The following SEC11C variants were observed in gnomAD, a reference collection of about 807,000 sequenced individuals.
The protein encoded by SEC11C is signal peptidase complex catalytic subunit SEC11C.
Under a neutral mutation model 21.9 loss-of-function variants are expected in SEC11C, and 10 were observed. The ratio of observed to expected loss-of-function variants is 0.46; its 90% CI spans 0.28 to 0.77. The LOEUF (loss-of-function observed/expected upper bound fraction) is 0.77, where lower values mean the gene tolerates loss of function less well. SEC11C is among the 30% of genes least tolerant of loss of function. The pLI is 0.12. For synonymous variants in SEC11C, 83 were observed against 85.6 expected (o/e 0.97, Z 0.17); for missense variants, 145 against 244.5 (o/e 0.59, Z 2.71).
At chr18:59,142,767 A>G (rs2069226663) in intron 1 of SEC11C, among the ~76,000 whole-genome samples, 2 of 152,286 alleles carry the variant, frequency 1.3e-5, no homozygotes, top group South Asian at 4.1e-4. Context: ...AATGGTGTAA[A>G]GGCTTTGATT....
chr18:59,151,458 T>C (rs967807593), intron 2 of SEC11C, among the ~76,000 whole-genome samples: 1 of 152,198 alleles, frequency 6.6e-6, no homozygotes, highest in Non-Finnish European at 1.5e-5. Context: ...TCTAGCCCTT[T>C]TCCCCCATCA....
chr18:59,154,106 T>C (rs117799543), intron 3 of SEC11C, among the ~76,000 whole-genome samples: 2 of 152,358 alleles, frequency 1.3e-5, no homozygotes, highest in East Asian at 3.9e-4. Context: ...CCTGTGGTGA[T>C]ACACTGGTCC....
intron 1 of SEC11C, among the ~76,000 whole-genome samples, chr18:59,148,586 G>A (rs761883753): frequency 7.3e-5 from 11 of 151,688 alleles, no homozygotes; most frequent in Non-Finnish European, 1.5e-4. Context: ...TAGTGCTTAT[G>A]CATCAACTCG....
intron 1 of SEC11C, among the ~76,000 whole-genome samples, chr18:59,148,557 T>C (rs556479295): frequency 2.0e-5 from 3 of 152,138 alleles, no homozygotes; most frequent in African/African-American, 7.2e-5. Flanking sequence ...TTTCACCTCC[T>C]TCTCAGAGCT....
chr18:59,143,856 T>TTTTTC (rs564136568), intron 1 of SEC11C, among the ~76,000 whole-genome samples: 7 of 145,940 alleles, frequency 4.8e-5, no homozygotes, highest in Admixed American at 1.4e-4. Context: ...TGCCATTTTC[T>TTTTTC]TTTTTTTTTT....
At chr18:59,146,011 C>T (rs565252738) in intron 1 of SEC11C, among the ~76,000 whole-genome samples, 2 of 152,302 alleles carry the variant, frequency 1.3e-5, no homozygotes, top group African/African-American at 4.8e-5. Context: ...CCTAACAACG[C>T]ATTTTTCAGA....
intron 3 of SEC11C, among the ~76,000 whole-genome samples, chr18:59,153,643 C>T (rs760004718): frequency 5.3e-5 from 8 of 152,016 alleles, no homozygotes; most frequent in South Asian, 2.1e-4. Context: ...TTCCGCCTCC[C>T]GGGTTCAAGC....
intron 1 of SEC11C, among the ~76,000 whole-genome samples, chr18:59,148,165 A>G (rs1426873673): frequency 1.3e-5 from 2 of 152,178 alleles, no homozygotes; most frequent in African/African-American, 4.8e-5. Context: ...TGGACCACCC[A>G]CCTGGCTCTG....
intron 3 of SEC11C, among the ~76,000 whole-genome samples, chr18:59,153,588 T>C (rs1305864947): frequency 6.6e-6 from 1 of 152,194 alleles, no homozygotes; most frequent in African/African-American, 2.4e-5. Context: ...TCTCACGCTG[T>C]CACCTACGCT....
intron 1 of SEC11C, among the ~76,000 whole-genome samples, chr18:59,140,784 C>T (rs1320694983): frequency 1.3e-5 from 2 of 152,166 alleles, no homozygotes; most frequent in South Asian, 2.1e-4. Flanking sequence ...TTTTTAGCCA[C>T]TTATTGGCCA....
chr18:59,139,929 A>G lies in SEC11C; in HGVS notation c.-20A>G. ...TGCCACCCAGAGCCGGCGGGCCGCTAGGTCCCCGGAGACCCTGCTATGGTG... is the reference window on the plus strand; with the variant it reads ...TGCCACCCAGAGCCGGCGGGCCGCTGGGTCCCCGGAGACCCTGCTATGGTG... On this transcript the variant is annotated 5_prime_UTR_variant, in exon 1 of 6. Transcript: ENST00000587834. 1 of 1,507,482 alleles carries G rather than the reference A, an allele frequency of 6.6e-7. No individual in the cohort carries two copies. Among genetic ancestry groups the G allele is most frequent in the South Asian group, 1.2e-5 (1 of 80,248 alleles). 93.4% of individuals were successfully genotyped at this position (1,507,482 alleles called of 1,614,324 possible).
At chr18:59,156,954 A>G (rs966810962) in intron 4 of SEC11C, 2 of 152,242 alleles carry the variant, frequency 1.3e-5, no homozygotes, top group Admixed American at 6.5e-5. Context: ...CTGATTTATA[A>G]AAGACTGGAG....
chr18:59,145,984 AAAC>A (rs1239115828), intron 1 of SEC11C, among the ~76,000 whole-genome samples: 1 of 152,228 alleles, frequency 6.6e-6, no homozygotes, highest in Admixed American at 6.5e-5. Flanking sequence ...TATGATGTTC[AAAC>A]AACAATAAAA....
chr18:59,139,981 C>A lies in SEC11C; in HGVS notation c.33C>A (p.Leu11=). Residue 11 remains leucine, a synonymous_variant, in exon 1 of 6, where the codon CTC becomes CTA. Transcript: ENST00000587834. ...GTGCGGGCGCCGTGGGGGCTCATCT[C>A]CCCGCGTCCGGCTTGGATATCTTCG... MVRAGAVGAH[L]PASGLDIFGD... is the part of the protein sequence containing the mutation. The A allele has an allele frequency of 1.3e-6, 2 of 1,594,570 alleles. No individual in the cohort carries two copies. The highest frequency in any genetic ancestry group is 1.7e-6 in the Non-Finnish European group (2 of 1,169,066).
In SEC11C at chr18:59,152,591, C is replaced by T. The variant is rs766715596; in HGVS notation, c.253C>T (p.Arg85Trp). Residue 85 changes from arginine to tryptophan, a missense_variant, in exon 3 of 6, where the codon CGG (arginine) becomes TGG (tryptophan). Arg to Trp is a moderately radical substitution (Grantham distance 101). Coordinates refer to ENST00000587834, the MANE Select transcript of SEC11C (RefSeq NM_033280.4). The part of the protein sequence containing the change: ...RGDLLFLTNF[R>W]EDPIRAGEIV... ...AGACCTCCTGTTCCTCACAAATTTC[C>T]GGGAAGACCCAATCAGAGCTGGTGA... 1.9e-5 allele frequency: 31 copies of T among 1,613,162 alleles called. No homozygotes were observed. Among genetic ancestry groups the T allele is most frequent in the East Asian group, 1.6e-4 (7 of 44,878 alleles).
At chr18:59,155,072 C>T (rs2069404373) in intron 3 of SEC11C, among the ~76,000 whole-genome samples, 1 of 152,032 alleles carries the variant, frequency 6.6e-6, no homozygotes, top group African/African-American at 2.4e-5. Context: ...CTCAAACAAA[C>T]AAACAAATAA....
rs3760555 is a variant in SEC11C at position 59,152,698 on chromosome 18, T to C, written c.347+13T>C. 0.27 allele frequency: 421,401 copies of C among 1,572,220 alleles called. 57,606 individuals are homozygous for C. Among genetic ancestry groups the C allele is most frequent in the South Asian group, 0.29 (24,504 of 83,366 alleles). On this transcript the variant is annotated intron_variant, in intron 3 of 5. Coordinates refer to ENST00000587834, the MANE Select transcript of SEC11C (RefSeq NM_033280.4). ...AAGTTCATGAAAAGTAAAGAGGCTT[T>C]ATTTCCTTTTGGTTTTGTTATGTAA...
rs374545150 is a variant in SEC11C, at chr18:59,148,673, G to A, written c.88-840G>A. Among the ~76,000 whole-genome samples, 16 of 150,640 alleles carry A rather than the reference G, an allele frequency of 1.1e-4. 1 individual carries two copies. The highest frequency in any genetic ancestry group is 4.6e-4 in the Admixed American group (7 of 15,148). The stretch of plus-strand genomic sequence containing the variant: ...GTGTCGCCCAGGCTGGAGTGCAGTC[G>A]TGCAGTCACGGCTCACTGCAAGCTC... On this transcript the variant is annotated intron_variant, in intron 1 of 5. Coordinates refer to ENST00000587834, the MANE Select transcript of SEC11C (RefSeq NM_033280.4).
chr18:59,143,855 CTT>C (rs1555657597), intron 1 of SEC11C, among the ~76,000 whole-genome samples: 5 of 70,120 alleles, frequency 7.1e-5, no homozygotes, highest in African/African-American at 1.9e-4. Context: ...CTGCCATTTT[CTT>C]TTTTTTTTTT....
Sources: allele counts gnomAD v4.1 joint callset (sites outside exome capture counted in the v4.1 genomes callset), GRCh38; gene constraint gnomAD v4.1.1; transcripts MANE v1.5; gene names NCBI Gene and HGNC (gene_info 2026-07-23, HGNC 2026-07-21).